The following CSMD1 variants were observed in gnomAD, a reference collection of about 807,000 sequenced individuals.
CSMD1 encodes CUB and Sushi multiple domains 1, also known as CUB and sushi domain-containing protein 1.
CSMD1 carries 213 observed loss-of-function variants against 417.5 expected under a neutral mutation model. That is an observed-to-expected ratio of 0.51 (90% CI 0.46 to 0.57). CSMD1 has a LOEUF of 0.57. Among genes scored for constraint, CSMD1 ranks in the 20% least tolerant of loss-of-function variants. The pLI, the probability that CSMD1 is intolerant of heterozygous loss-of-function variation, is 0.00. For missense variants in CSMD1, 6,923 were observed against 4,529.7 expected, an observed-to-expected ratio of 1.53 and a Z score of -15.17; for synonymous variants, 2,862 against 1,736.8, an observed-to-expected ratio of 1.65 and a Z score of -16.11.
chr8:3,302,106 C>T (rs996670834), intron 25 of CSMD1, among the ~76,000 whole-genome samples: 6 of 152,002 alleles, frequency 3.9e-5, no homozygotes, highest in Non-Finnish European at 7.4e-5. Flanking sequence ...TCTCCCGCCC[C>T]TTGGAGGGAG....
rs377588311 is a variant in CSMD1, at chr8:3,937,359, A to T, written c.818+60544T>A. ...TATAGAAATATTTCATTAAAGGAGG[A>T]ATCAACTGACGTGGTAAACTTTACT... On this transcript the variant is annotated intron_variant, in intron 5 of 69. Transcript: ENST00000635120. 2.4e-4 allele frequency among the ~76,000 whole-genome samples: 37 copies of T among 152,286 alleles called. 1 individual carries two copies. Among genetic ancestry groups the T allele is most frequent in the African/African-American group, 7.9e-4 (33 of 41,572 alleles).
At chr8:4,351,556 G>C (rs946354892) in intron 3 of CSMD1, among the ~76,000 whole-genome samples, 2 of 152,236 alleles carry the variant, frequency 1.3e-5, no homozygotes, top group Non-Finnish European at 2.9e-5. Context: ...TGGCCGGTCA[G>C]TTTGGCTTTA....
intron 25 of CSMD1, among the ~76,000 whole-genome samples, chr8:3,304,081 A>G (rs964035240): frequency 2.0e-5 from 3 of 152,184 alleles, no homozygotes; most frequent in African/African-American, 4.8e-5. Flanking sequence ...AAATATTGAA[A>G]CCAGCCTTTT....
intron 2 of CSMD1, among the ~76,000 whole-genome samples, chr8:4,501,170 G>A (rs534894335): frequency 6.6e-6 from 1 of 152,140 alleles, no homozygotes; most frequent in South Asian, 2.1e-4. Flanking sequence ...TTATGTGTAT[G>A]CATATATATG....
intron 1 of CSMD1, among the ~76,000 whole-genome samples, chr8:4,724,245 T>C (rs770162889): frequency 2.0e-5 from 3 of 152,194 alleles, no homozygotes; most frequent in Non-Finnish European, 2.9e-5. Context: ...AAGAACAGTA[T>C]TATCAGGCTG....
chr8:4,201,540 C>CAAAAAAAAAAAAA (rs1157479482), intron 3 of CSMD1, among the ~76,000 whole-genome samples: 1 of 59,030 alleles, frequency 1.7e-5, no homozygotes, highest in Non-Finnish European at 2.8e-5. Context: ...TCTGTCTCCA[C>CAAAAAAAAAAAAA]AAAAAAAAAA....
chr8:3,713,058 CA>C (rs1801619970), intron 6 of CSMD1, among the ~76,000 whole-genome samples: 1 of 151,852 alleles, frequency 6.6e-6, no homozygotes, highest in Non-Finnish European at 1.5e-5. Context: ...AAGCAACAAA[CA>C]AAAACTTGAA....
At chr8:4,562,360 C>T (rs55987337) in intron 2 of CSMD1, among the ~76,000 whole-genome samples, 14,606 of 152,118 alleles carry the variant, frequency 0.096, 809 homozygotes, top group South Asian at 0.15. Context: ...AGTGGCACAC[C>T]AGAGCCCAAA....
intron 2 of CSMD1, among the ~76,000 whole-genome samples, chr8:4,441,041 T>C (rs1196276859): frequency 1.4e-5 from 2 of 146,566 alleles, no homozygotes; most frequent in Non-Finnish European, 3.0e-5. Flanking sequence ...ATACATCTAT[T>C]ATCATTTTAA....
intron 7 of CSMD1, among the ~76,000 whole-genome samples, chr8:3,672,766 C>T (rs1032028492): frequency 2.0e-5 from 3 of 152,184 alleles, no homozygotes; most frequent in Non-Finnish European, 4.4e-5. Flanking sequence ...AAGAAGGCTG[C>T]ATATCAGGCT....
chr8:3,907,258 C>A (rs1228172857), intron 5 of CSMD1, among the ~76,000 whole-genome samples: 1 of 152,202 alleles, frequency 6.6e-6, no homozygotes, highest in Non-Finnish European at 1.5e-5. Flanking sequence ...TCAATTTGAT[C>A]GTAAGTCTTT....
chr8:3,892,968 TAA>T (rs35278840), intron 5 of CSMD1, among the ~76,000 whole-genome samples: 11 of 148,696 alleles, frequency 7.4e-5, no homozygotes, highest in African/African-American at 2.5e-4. Flanking sequence ...ACCACAGTGA[TAA>T]AAAAAAAATA....
chr8:3,304,574 T>C (rs1007962632), intron 25 of CSMD1, among the ~76,000 whole-genome samples: 4 of 152,164 alleles, frequency 2.6e-5, no homozygotes, highest in African/African-American at 9.6e-5. Flanking sequence ...AAGCTGCTTA[T>C]TGGGAAGAAG....
chr8:3,671,984 C>G (rs1383467732), intron 7 of CSMD1, among the ~76,000 whole-genome samples: 1 of 152,044 alleles, frequency 6.6e-6, no homozygotes, highest in African/African-American at 2.4e-5. Flanking sequence ...TGTTGCAATA[C>G]TTAAACAAAA....
At chr8:3,889,452 CATATATATATATATATATAT>C (rs1171842639) in intron 5 of CSMD1, among the ~76,000 whole-genome samples, 2 of 45,376 alleles carry the variant, frequency 4.4e-5, no homozygotes, top group East Asian at 6.3e-4. Flanking sequence ...CTGATCTTTC[CATATATATATATATATATAT>C]ATATATATAT....
At chr8:4,812,420 A>T (rs1185731505) in intron 1 of CSMD1, among the ~76,000 whole-genome samples, 1 of 152,198 alleles carries the variant, frequency 6.6e-6, no homozygotes, top group African/African-American at 2.4e-5. Context: ...TGACTTTGTC[A>T]ATTTCTAAGT....
intron 3 of CSMD1, among the ~76,000 whole-genome samples, chr8:4,269,974 A>T (rs188874374): frequency 6.6e-6 from 1 of 152,286 alleles, no homozygotes; most frequent in East Asian, 1.9e-4. Context: ...GGCACAGCAA[A>T]ATGTTGACCT....
chr8:3,103,903 G>T (rs954063450), intron 46 of CSMD1, among the ~76,000 whole-genome samples: 5 of 151,746 alleles, frequency 3.3e-5, no homozygotes, highest in African/African-American at 1.2e-4. Flanking sequence ...GCCACCACAC[G>T]CAGCTAATTT....
chr8:4,581,520 T>C (rs1218685587), intron 2 of CSMD1, among the ~76,000 whole-genome samples: 1 of 152,198 alleles, frequency 6.6e-6, no homozygotes, highest in African/African-American at 2.4e-5. Context: ...AAGCATGCAT[T>C]ATTTTAAATA....
Sources: gnomAD v4.1 joint callset for allele counts (sites outside exome capture counted in the v4.1 genomes callset) on GRCh38, gnomAD v4.1.1 for gene constraint, MANE v1.5 for transcripts, NCBI Gene and HGNC (gene_info 2026-07-23, HGNC 2026-07-21) for gene names.